The following GRB10 variants were observed in gnomAD, a reference collection of about 807,000 sequenced individuals.
GRB10 encodes growth factor receptor-bound protein 10.
GRB10 carries 20 observed loss-of-function variants against 80.9 expected under a neutral mutation model. The ratio of observed to expected loss-of-function variants is 0.25; its 90% confidence interval spans 0.17 to 0.36. GRB10 has a LOEUF of 0.36. Ranked by LOEUF, GRB10 falls within the 10% of genes least tolerant of loss-of-function variation. GRB10 has a pLI of 1.00. For synonymous variants in GRB10, 291 were observed against 291.5 expected (o/e 1.00, Z 0.02); for missense variants, 548 against 747.7 (o/e 0.73, Z 3.12).
At chr7:50,793,032 G>A (rs2079002407) in intron 1 of GRB10, 1 of 141,726 alleles carries the variant, frequency 7.1e-6, no homozygotes, top group African/African-American at 2.6e-5. Context: ...CTGCGGGCCC[G>A]GGGCGCCGGA....
At chr7:50,611,114 T>G (rs935330140) in intron 13 of GRB10, among the ~76,000 whole-genome samples, 13 of 152,056 alleles carry the variant, frequency 8.5e-5, no homozygotes, top group African/African-American at 2.9e-4. Context: ...GCCTCTCCCA[T>G]CTCCTCTCCC....
At chr7:50,720,616 T>C (rs756400030) in intron 4 of GRB10, among the ~76,000 whole-genome samples, 5 of 152,144 alleles carry the variant, frequency 3.3e-5, no homozygotes, top group Non-Finnish European at 7.3e-5. Context: ...CAACTAAACA[T>C]GCATGGTACA....
At position 50,605,321 on chromosome 7, in the gene GRB10, C is replaced by T. The variant is rs774495754; in HGVS notation, c.1358G>A (p.Ser453Asn). Residue 453 changes from serine (S) to asparagine (N), a missense_variant, in exon 15 of 19, where the codon AGC (serine) becomes AAC (asparagine). Ser to Asn is a conservative substitution (Grantham distance 46, BLOSUM62 1). Around this residue, in one of 4 missense-constraint regions of GRB10, gnomAD observed 270 missense variants for 433.6 expected, o/e 0.62. Transcript: ENST00000401949. ...GGCGTGGCCCTCCTCCAGGGCTGCG[C>T]TCTGGGCCTCTGCCGGATTCTCTAT... ...RVIENPAEAQ[S>N]AALEEGHAWR... 1.2e-6 allele frequency: 2 copies of T among 1,614,132 alleles called. No homozygotes were observed. The highest frequency in any genetic ancestry group is 3.3e-5 in the Admixed American group (2 of 60,036).
chr7:50,673,752 CA>C (rs924543046), intron 6 of GRB10, among the ~76,000 whole-genome samples: 1 of 152,142 alleles, frequency 6.6e-6, no homozygotes, highest in Non-Finnish European at 1.5e-5. Context: ...CACGCCTGTC[CA>C]GAACTCTTTC....
chr7:50,606,434 G>GTT lies in GRB10; in HGVS notation c.1195-22_1195-21dup. 1 of 1,599,346 alleles carries GTT rather than the reference G, an allele frequency of 6.3e-7. No individual in the cohort carries two copies. Among genetic ancestry groups the GTT allele is most frequent in the Non-Finnish European group, 8.6e-7 (1 of 1,166,562 alleles). On this transcript the variant is annotated intron_variant, in intron 13 of 18. Transcript: ENST00000401949. ...TCCATACTGGAGAGGAGAAGCCACA[G>GTT]TTAGTCACCGGCCCGGGAGCCCCGA...
intron 5 of GRB10, among the ~76,000 whole-genome samples, chr7:50,693,858 C>T (rs2063118419): frequency 6.6e-6 from 1 of 152,004 alleles, no homozygotes; most frequent in Admixed American, 6.5e-5. Context: ...GCCCTGCCCA[C>T]AAGGCTAAAG....
At chr7:50,749,207 C>A (rs1203849447) in intron 3 of GRB10, among the ~76,000 whole-genome samples, 1 of 149,452 alleles carries the variant, frequency 6.7e-6, no homozygotes, top group Non-Finnish European at 1.5e-5. Context: ...TGGCTCACTG[C>A]AACCTCCACC....
At chr7:50,610,558 G>A (rs1454723333) in intron 13 of GRB10, among the ~76,000 whole-genome samples, 1 of 152,204 alleles carries the variant, frequency 6.6e-6, no homozygotes, top group Admixed American at 6.5e-5. Context: ...TCTAGGGAGG[G>A]CAGCAAAGCA....
At chr7:50,677,319 A>C (rs1353349226) in intron 5 of GRB10, among the ~76,000 whole-genome samples, 1 of 152,144 alleles carries the variant, frequency 6.6e-6, no homozygotes, top group African/African-American at 2.4e-5. Context: ...TCTTGCTCAT[A>C]GCTGGGGTGA....
At chr7:50,745,091 T>C (rs2072658170) in intron 3 of GRB10, among the ~76,000 whole-genome samples, 1 of 152,194 alleles carries the variant, frequency 6.6e-6, no homozygotes, top group Non-Finnish European at 1.5e-5. Context: ...TTCTCGGCTA[T>C]GCTGTAAGAT....
rs183464405 is a variant in GRB10 at position 50,782,193 on chromosome 7, T to A, written c.-327+231A>T. ...ACAATTAAGATTAAAAATGGTTACA[T>A]AATACTGTCCTATGGCTGGCGGCAA... is the stretch of plus-strand genomic sequence containing the variant. On this transcript the variant is annotated intron_variant, in intron 1 of 18. Transcript: ENST00000401949. This position sits in a 1 kb window ranked among gnomAD's most constrained non-coding sequence, Gnocchi z 6.6. Among the ~76,000 whole-genome samples, 129 of 152,238 alleles carry A rather than the reference T, an allele frequency of 8.5e-4. No homozygotes were observed. Among genetic ancestry groups the A allele is most frequent in the Admixed American group, 2.5e-3 (38 of 15,310 alleles).
intron 8 of GRB10, among the ~76,000 whole-genome samples, chr7:50,625,302 GA>G (rs1411886150): frequency 4.6e-5 from 7 of 152,098 alleles, no homozygotes. Flanking sequence ...TCTTTCAAAT[GA>G]AAAGAATATT....
intron 1 of GRB10, among the ~76,000 whole-genome samples, chr7:50,789,460 G>C (rs2078824512): frequency 6.6e-6 from 1 of 152,202 alleles, no homozygotes; most frequent in African/African-American, 2.4e-5. Flanking sequence ...GATCAAGTTG[G>C]TTCACTTGTT....
intron 7 of GRB10, among the ~76,000 whole-genome samples, chr7:50,630,754 C>T (rs1021397816): frequency 6.6e-6 from 1 of 152,192 alleles, no homozygotes; most frequent in Non-Finnish European, 1.5e-5. Context: ...ATAATTATGT[C>T]AACAGCATGA....
At chr7:50,630,767 C>T (rs1026958360) in intron 7 of GRB10, among the ~76,000 whole-genome samples, 1 of 152,182 alleles carries the variant, frequency 6.6e-6, no homozygotes, top group Admixed American at 6.5e-5. Flanking sequence ...CAGCATGAAA[C>T]TCTGTCTTTT....
At chr7:50,674,328 G>T in intron 6 of GRB10, 108 bp downstream of exon 6, 1 of 1,105,312 alleles carries the variant, frequency 9.0e-7, no homozygotes, top group Non-Finnish European at 1.3e-6. Flanking sequence ...TCTTGACTTT[G>T]CAAGACCAAC....
chr7:50,671,368 C>T (rs2060334027), intron 6 of GRB10, among the ~76,000 whole-genome samples: 1 of 152,220 alleles, frequency 6.6e-6, no homozygotes, highest in South Asian at 2.1e-4. Flanking sequence ...TTTGCCACTA[C>T]AGAAACACAT....
chr7:50,733,353 T>C (rs528334416), intron 3 of GRB10, among the ~76,000 whole-genome samples: 35 of 152,274 alleles, frequency 2.3e-4, no homozygotes, highest in African/African-American at 8.4e-4. Flanking sequence ...CCCCAGTCTG[T>C]GGCACTTTGT....
At chr7:50,676,195 G>A (rs2060906031) in intron 5 of GRB10, among the ~76,000 whole-genome samples, 1 of 152,082 alleles carries the variant, frequency 6.6e-6, no homozygotes, top group African/African-American at 2.4e-5. Flanking sequence ...TGGTAGGAAG[G>A]AAAGCAGAGA....
Sources: gnomAD v4.1 joint callset for allele counts (sites outside exome capture counted in the v4.1 genomes callset) on GRCh38, gnomAD v4.1.1 for gene constraint, gnomAD v4.1.1 regional missense constraint, Gnocchi (gnomAD v3.1) non-coding constraint, MANE v1.5 for transcripts, NCBI Gene and HGNC (gene_info 2026-07-23, HGNC 2026-07-21) for gene names.